CCDC186: variants seen among roughly 807,000 people sequenced by gnomAD.
CCDC186 encodes coiled-coil domain containing 186, also known as coiled-coil domain-containing protein 186.
A neutral mutation model predicts 113.7 loss-of-function variants in CCDC186; 49 were observed. The ratio of observed to expected loss-of-function variants is 0.43; its 90% CI spans 0.34 to 0.55. CCDC186 has a LOEUF of 0.55. Ranked by LOEUF, CCDC186 falls within the 20% of genes least tolerant of loss-of-function variation. CCDC186 has a pLI of 0.02. For missense variants in CCDC186, 890 were observed against 1,011.1 expected, an observed-to-expected ratio of 0.88 and a Z score of 1.62; for synonymous variants, 355 against 345.8, an observed-to-expected ratio of 1.03 and a Z score of -0.30.
chr10:114,160,049 C>T (rs1314516101), intron 2 of CCDC186, among the ~76,000 whole-genome samples: 1 of 152,114 alleles, frequency 6.6e-6, no homozygotes, highest in African/African-American at 2.4e-5. Context: ...GCAGGTAGAT[C>T]ACTTGAGGTC....
Position 114,162,987 on chromosome 10 carries a change from A to T in CCDC186, c.282T>A (p.Ala94=). The change falls in exon 2 of 16, where the codon GCT becomes GCA. Residue 94 remains alanine, a synonymous_variant. Transcript: ENST00000369287. ...DTGSENSEQI[A]NFPSGNFAKH... ...TAGCAAAATTTCCACTAGGAAAATT[A>T]GCTATTTGTTCAGAATTTTCTGAGC... is the stretch of plus-strand genomic sequence containing the variant. 6.2e-7 allele frequency: 1 copy of T among 1,614,026 alleles called. No individual in the cohort carries two copies. The highest frequency in any genetic ancestry group is 8.5e-7 in the Non-Finnish European group (1 of 1,179,954).
In CCDC186 at chr10:114,151,142, T is replaced by C; in HGVS notation, c.838A>G (p.Lys280Glu). The change falls in exon 4 of 16, where the codon AAA (lysine) becomes GAA (glutamate). Residue 280 changes from lysine to glutamate, a missense_variant. Transcript: ENST00000369287. ...DQLIAQDVTA[K>E]NAVQQLHKEM... Reference sequence around the variant, plus strand: ...TTGTGTAACTGCTGAACTGCATTTTTAGCTGTAACGTCTTGAGCTATTAGT... The same window carrying C: ...TTGTGTAACTGCTGAACTGCATTTTCAGCTGTAACGTCTTGAGCTATTAGT... The C allele has an allele frequency of 3.1e-6, 5 of 1,613,940 alleles. No individual in the cohort carries two copies. Among genetic ancestry groups the C allele is most frequent in the Middle Eastern group, 1.7e-4 (1 of 6,060 alleles).
At chr10:114,162,529 A>C in intron 2 of CCDC186, 108 bp downstream of exon 2, 2 of 792,528 alleles carry the variant, frequency 2.5e-6, no homozygotes, top group Non-Finnish European at 3.9e-6. Context: ...GCATGATTCT[A>C]ATGTGCAAGT....
chr10:114,151,740 G>T (rs2119809874), intron 3 of CCDC186, among the ~76,000 whole-genome samples: 1 of 152,284 alleles, frequency 6.6e-6, no homozygotes, highest in South Asian at 2.1e-4. Context: ...ACTATGGCAG[G>T]ACGACAGTGC....
chr10:114,138,729 T>A (rs2031363043), intron 6 of CCDC186, among the ~76,000 whole-genome samples: 1 of 152,196 alleles, frequency 6.6e-6, no homozygotes, highest in African/African-American at 2.4e-5. Flanking sequence ...CCTTCCTGTT[T>A]CCATTACAGG....
intron 1 of CCDC186, chr10:114,168,089 AAATACTAT>A (rs1175948910): frequency 6.6e-6 from 1 of 152,216 alleles, no homozygotes; most frequent in Non-Finnish European, 1.5e-5. Context: ...TCATTAGGAG[AAATACTAT>A]AATACAGTAC....
At chr10:114,149,842 CAGGCAGGCAGGCAGGA>C (rs1564913067) in intron 4 of CCDC186, among the ~76,000 whole-genome samples, 4 of 117,396 alleles carry the variant, frequency 3.4e-5, no homozygotes, top group African/African-American at 1.2e-4. Context: ...GGCAGGAAGG[CAGGCAGGCAGGCAGGA>C]AGGCAGGCAG....
chr10:114,148,582 C>T (rs139658315), intron 4 of CCDC186, among the ~76,000 whole-genome samples: 79 of 152,212 alleles, frequency 5.2e-4, no homozygotes, highest in Admixed American at 1.2e-3. Context: ...TTCAATACAC[C>T]AAAAATTTTA....
chr10:114,133,803 G>T (rs1165987863), intron 10 of CCDC186, among the ~76,000 whole-genome samples: 1 of 152,180 alleles, frequency 6.6e-6, no homozygotes, highest in African/African-American at 2.4e-5. Context: ...GAGAGGTACA[G>T]AACATAGGAA....
intron 13 of CCDC186, among the ~76,000 whole-genome samples, chr10:114,128,944 C>T (rs1052656121): frequency 2.6e-5 from 4 of 152,024 alleles, no homozygotes; most frequent in African/African-American, 9.7e-5. Flanking sequence ...TATGAATTAA[C>T]GTAAATTTCA....
intron 3 of CCDC186, among the ~76,000 whole-genome samples, chr10:114,151,499 T>C (rs887142188): frequency 1.3e-5 from 2 of 152,230 alleles, no homozygotes; most frequent in Non-Finnish European, 2.9e-5. Context: ...GGCTTCACTT[T>C]CTATGGTTTC....
intron 3 of CCDC186, among the ~76,000 whole-genome samples, chr10:114,157,010 TA>T: frequency 6.6e-6 from 1 of 152,186 alleles, no homozygotes; most frequent in Non-Finnish European, 1.5e-5. Flanking sequence ...TATGTTCTAC[TA>T]CATGCAGTAC....
At chr10:114,173,221 G>C in intron 1 of CCDC186, 1 of 455,828 alleles carries the variant, frequency 2.2e-6, no homozygotes, top group South Asian at 1.5e-5. Context: ...AAAGAAGTAG[G>C]ATTCTAATCC....
At chr10:114,172,930 T>G (rs1341560741) in intron 1 of CCDC186, among the ~76,000 whole-genome samples, 2 of 152,192 alleles carry the variant, frequency 1.3e-5, no homozygotes, top group Non-Finnish European at 2.9e-5. Context: ...AATATTAAGG[T>G]GTACTTGATA....
intron 1 of CCDC186, chr10:114,168,136 C>T (rs2119819524): frequency 6.6e-6 from 1 of 152,252 alleles, no homozygotes; most frequent in South Asian, 2.1e-4. Flanking sequence ...AACTCAAATA[C>T]TTTTTCTCCC....
At chr10:114,149,609 GA>G (rs2031760764) in intron 4 of CCDC186, among the ~76,000 whole-genome samples, 1 of 37,758 alleles carries the variant, frequency 2.6e-5, no homozygotes, top group Non-Finnish European at 5.2e-5. Flanking sequence ...GAAGGGAAGG[GA>G]AGGGAAGGGA....
At chr10:114,159,460 T>C (rs993067433) in intron 2 of CCDC186, among the ~76,000 whole-genome samples, 10 of 151,944 alleles carry the variant, frequency 6.6e-5, no homozygotes, top group African/African-American at 2.2e-4. Context: ...CTGGCAAACA[T>C]GGTGAAACCC....
At position 114,136,339 on chromosome 10, in the gene CCDC186, T is replaced by C. The variant is rs988308075; in HGVS notation, c.1327-93A>G. On this transcript the variant is annotated intron_variant, in intron 7 of 15. Coordinates refer to ENST00000369287, the MANE Select transcript of CCDC186 (RefSeq NM_018017.4). ...CGTCTCTAATCCTAATGTAGCATCA[T>C]ATACATTTCTGTTACGTTAGGATAA... 8 of 786,086 alleles carry C rather than the reference T, an allele frequency of 1.0e-5. No homozygotes were observed. The African/African-American group carries it at 1.2e-4, about 12-fold the overall frequency. 48.7% of individuals were successfully genotyped at this position (786,086 alleles called of 1,614,324 possible).
At chr10:114,163,500 C>G (rs2032241249) in intron 1 of CCDC186, among the ~76,000 whole-genome samples, 171 bp from the exon 2 acceptor site, 1 of 152,190 alleles carries the variant, frequency 6.6e-6, no homozygotes, top group Non-Finnish European at 1.5e-5. Context: ...CTAACCCAAG[C>G]TGGCTAGCTA....
Sources: allele counts gnomAD v4.1 joint callset (sites outside exome capture counted in the v4.1 genomes callset), GRCh38; gene constraint gnomAD v4.1.1; transcripts MANE v1.5; gene names NCBI Gene and HGNC (gene_info 2026-07-23, HGNC 2026-07-21).